The following PRKD1 variants were observed in gnomAD, a reference collection of about 807,000 sequenced individuals.
PRKD1 encodes the protein serine/threonine-protein kinase D1.
PRKD1 carries 63 observed loss-of-function variants against 95.9 expected under a neutral mutation model. The observed-to-expected ratio is 0.66, with a 90% CI of 0.54 to 0.81. The LOEUF (loss-of-function observed/expected upper bound fraction) is 0.81. Ranked by LOEUF, PRKD1 falls within the 30% of genes least tolerant of loss-of-function variation. The probability of loss-of-function intolerance (pLI) is 0.00; values close to 1 mark genes in which losing one functional copy is unlikely to be tolerated. For missense variants in PRKD1, 1,048 were observed against 1,165.3 expected (o/e 0.90, Z 1.47); for synonymous variants, 425 against 423.1 (o/e 1.00, Z -0.05).
At chr14:29,602,496 C>T (rs1893559676) in intron 13 of PRKD1, among the ~76,000 whole-genome samples, 1 of 146,308 alleles carries the variant, frequency 6.8e-6, no homozygotes, top group Non-Finnish European at 1.5e-5. Flanking sequence ...AATGGCAAAT[C>T]TCGGCTCACC....
At chr14:29,825,380 G>T (rs1594552283) in intron 1 of PRKD1, among the ~76,000 whole-genome samples, 1 of 152,070 alleles carries the variant, frequency 6.6e-6, no homozygotes, top group East Asian at 1.9e-4. Flanking sequence ...CACTGGTCAG[G>T]TAAAGGGTCA....
intron 2 of PRKD1, among the ~76,000 whole-genome samples, chr14:29,701,852 T>C (rs1360384880): frequency 1.3e-5 from 2 of 152,184 alleles, no homozygotes; most frequent in African/African-American, 4.8e-5. Context: ...TAATATGATC[T>C]GAGGCTGATA....
At chr14:29,606,021 C>CT (rs776215087) in intron 13 of PRKD1, among the ~76,000 whole-genome samples, 108 of 151,236 alleles carry the variant, frequency 7.1e-4, no homozygotes, top group African/African-American at 1.2e-3. Context: ...TTTTCTTTTC[C>CT]TTTTTTTTGG....
chr14:29,719,503 T>A (rs1244356379), intron 2 of PRKD1, among the ~76,000 whole-genome samples: 1 of 152,170 alleles, frequency 6.6e-6, no homozygotes, highest in Non-Finnish European at 1.5e-5. Context: ...CTCAACTATT[T>A]CTGTTTACTT....
At chr14:29,823,173 C>T (rs1266626730) in intron 1 of PRKD1, among the ~76,000 whole-genome samples, 1 of 152,136 alleles carries the variant, frequency 6.6e-6, no homozygotes. Context: ...CACTCACTTT[C>T]TCCTTGGCTT....
At chr14:29,703,279 T>C (rs1292543608) in intron 2 of PRKD1, among the ~76,000 whole-genome samples, 1 of 152,184 alleles carries the variant, frequency 6.6e-6, no homozygotes. Flanking sequence ...CCTTTTTACT[T>C]TCTCCCCTTT....
rs146526644 is a variant in PRKD1, at chr14:29,695,432, A to G, written c.404-29224T>C. The stretch of plus-strand genomic sequence containing the variant: ...TTGATGCTGACTTGGACCAGGGTAA[A>G]AGCAGTAGAGGATGGGTGAACTGAT... On this transcript the variant is annotated intron_variant, in intron 2 of 17. Coordinates refer to ENST00000331968, the MANE Select transcript of PRKD1 (RefSeq NM_002742.3). Among the ~76,000 whole-genome samples the G allele has an allele frequency of 6.6e-5, 10 of 152,298 alleles. No homozygotes were observed. In the East Asian group the frequency reaches 1.9e-3, roughly 29 times the overall value.
chr14:29,725,210 C>T (rs1886079964), intron 2 of PRKD1, among the ~76,000 whole-genome samples: 3 of 152,132 alleles, frequency 2.0e-5, no homozygotes, highest in African/African-American at 4.8e-5. Flanking sequence ...TTTAGCTTCA[C>T]TGTTGGTGAG....
At position 29,735,410 on chromosome 14, in the gene PRKD1, T is replaced by C. The variant is rs1028144576; in HGVS notation, c.265-9736A>G. 4.6e-5 allele frequency among the ~76,000 whole-genome samples: 7 copies of C among 152,214 alleles called. No homozygotes were observed. In the East Asian group the frequency reaches 1.3e-3, roughly 29 times the overall value. On this transcript the variant is annotated intron_variant, in intron 1 of 17. Transcript: ENST00000331968. ...TGCAGGACTGTAATTAAGACACAGA[T>C]CCTCTTTCCATATCCTTTCCTAAAC...
At chr14:29,830,405 A>G (rs1288950376) in intron 1 of PRKD1, among the ~76,000 whole-genome samples, 1 of 152,128 alleles carries the variant, frequency 6.6e-6, no homozygotes, top group Non-Finnish European at 1.5e-5. Flanking sequence ...CACATTGTCA[A>G]ATCTTCTCAT....
intron 1 of PRKD1, among the ~76,000 whole-genome samples, chr14:29,770,828 T>A (rs1039369825): frequency 6.7e-6 from 1 of 148,680 alleles, no homozygotes; most frequent in African/African-American, 2.5e-5. Flanking sequence ...ACAATAAAAT[T>A]AGCCAGGTGT....
chr14:29,700,975 TGCGCGC>T (rs750081427), intron 2 of PRKD1, among the ~76,000 whole-genome samples: 53 of 62,948 alleles, frequency 8.4e-4, no homozygotes, highest in African/African-American at 2.5e-3. Context: ...CGCGTGCGCA[TGCGCGC>T]GCGCGCGCAC....
intron 13 of PRKD1, among the ~76,000 whole-genome samples, chr14:29,617,593 A>G (rs1359032611): frequency 1.3e-5 from 2 of 152,210 alleles, no homozygotes; most frequent in Non-Finnish European, 2.9e-5. Context: ...ATACAAGAAA[A>G]GGAGAAAAAT....
At chr14:29,889,165 G>C (rs1345203248) in intron 1 of PRKD1, among the ~76,000 whole-genome samples, 1 of 152,124 alleles carries the variant, frequency 6.6e-6, no homozygotes, top group East Asian at 1.9e-4. Flanking sequence ...TAAAGTTCAA[G>C]ACATAAATTT....
At chr14:29,805,144 C>G (rs1440145731) in intron 1 of PRKD1, among the ~76,000 whole-genome samples, 2 of 151,870 alleles carry the variant, frequency 1.3e-5, no homozygotes, top group Non-Finnish European at 2.9e-5. Context: ...GTCCTCTGAT[C>G]TGCATTTCTA....
At position 29,826,706 on chromosome 14, in the gene PRKD1, TAC is replaced by T. The variant is rs1286976903; in HGVS notation, c.264+100541_264+100542del. On this transcript the variant is annotated intron_variant, in intron 1 of 17. Coordinates refer to ENST00000331968, the MANE Select transcript of PRKD1 (RefSeq NM_002742.3). ...ATATACACACATATATATACATATA[TAC>T]ACATATATATATACATATATATACA... Among the ~76,000 whole-genome samples, 37 of 72,044 alleles carry T rather than the reference TAC, an allele frequency of 5.1e-4. 1 individual carries two copies. In the South Asian group the frequency reaches 0.018, roughly 35 times the overall value. 47.3% of individuals were successfully genotyped at this position (72,044 alleles called of 152,430 possible).
chr14:29,744,099 C>T (rs1887104551), intron 1 of PRKD1, among the ~76,000 whole-genome samples: 1 of 152,140 alleles, frequency 6.6e-6, no homozygotes, highest in African/African-American at 2.4e-5. Context: ...ACTCGGGTGA[C>T]ACAAATTTCT....
chr14:29,807,152 T>C (rs988941622), intron 1 of PRKD1, among the ~76,000 whole-genome samples: 15 of 152,108 alleles, frequency 9.9e-5, no homozygotes, highest in Non-Finnish European at 2.2e-4. Flanking sequence ...ATCAGGCTCT[T>C]ATGAGAATCT....
At position 29,666,102 on chromosome 14, in the gene PRKD1, C is replaced by G. The variant is rs773145937; in HGVS notation, c.510G>C (p.Leu170=). ...CDHCGEMLWG[L]VRQGLKCEGC... ...CTTCACATTTAAGACCTTGACGTAC[C>G]AGCCCCCACAGCATTTCTCCACAGT... Residue 170 remains leucine (L), a synonymous_variant, in exon 3 of 18, where the codon CTG becomes CTC. Coordinates refer to ENST00000331968, the MANE Select transcript of PRKD1 (RefSeq NM_002742.3). The G allele has an allele frequency of 6.3e-7, 1 of 1,595,026 alleles. No homozygotes were observed. Among genetic ancestry groups the G allele is most frequent in the South Asian group, 1.1e-5 (1 of 87,646 alleles).
Sources: allele counts gnomAD v4.1 joint callset (sites outside exome capture counted in the v4.1 genomes callset), GRCh38; gene constraint gnomAD v4.1.1; transcripts MANE v1.5; gene names NCBI Gene and HGNC (gene_info 2026-07-23, HGNC 2026-07-21).